Variants in EPB41L4B observed in about 807,000 individuals in gnomAD.
EPB41L4B encodes band 4.1-like protein 4B.
In EPB41L4B, 30 loss-of-function variants were observed where a neutral mutation model predicts 112.5. The observed-to-expected ratio is 0.27, with a 90% CI of 0.20 to 0.36. The LOEUF is 0.36. EPB41L4B is among the 10% of genes least tolerant of loss of function. EPB41L4B has a pLI of 1.00. For synonymous variants in EPB41L4B, 408 were observed against 439.7 expected (o/e 0.93, Z 0.90); for missense variants, 1,024 against 1,133.3 (o/e 0.90, Z 1.38).
intron 16 of EPB41L4B, among the ~76,000 whole-genome samples, chr9:109,214,769 G>A (rs999909295): frequency 7.9e-5 from 12 of 152,164 alleles, no homozygotes; most frequent in African/African-American, 2.2e-4. Flanking sequence ...GTCAGGATAC[G>A]CAAGGTCTGT....
At chr9:109,303,644 T>C (rs1168582902) in intron 1 of EPB41L4B, among the ~76,000 whole-genome samples, 1 of 151,910 alleles carries the variant, frequency 6.6e-6, no homozygotes, top group Non-Finnish European at 1.5e-5. Flanking sequence ...TGAGCCACCA[T>C]GCCTGGCTGG....
chr9:109,253,894 T>G (rs114855988), intron 11 of EPB41L4B, among the ~76,000 whole-genome samples: 1 of 152,216 alleles, frequency 6.6e-6, no homozygotes, highest in Non-Finnish European at 1.5e-5. Context: ...TGCATAGACA[T>G]TTAACCCATC....
intron 20 of EPB41L4B, 83 bp downstream of exon 20, chr9:109,200,153 T>A: frequency 8.4e-7 from 1 of 1,191,980 alleles, no homozygotes; most frequent in South Asian, 1.3e-5. Flanking sequence ...CTGGGACTAG[T>A]CAGAAGGGCT....
At chr9:109,293,379 CTTTTT>C (rs3061572) in intron 1 of EPB41L4B, among the ~76,000 whole-genome samples, 2 of 146,114 alleles carry the variant, frequency 1.4e-5, no homozygotes, top group Admixed American at 6.8e-5. Context: ...CATATGCATT[CTTTTT>C]TTTTTTTTTT....
Position 109,255,526 on chromosome 9 carries a change from G to A in EPB41L4B, c.1154C>T (p.Ser385Phe), listed in dbSNP as rs200085777. Residue 385 changes from serine (S) to phenylalanine (F), a missense_variant, in exon 11 of 26, where the codon TCT (serine) becomes TTT (phenylalanine). Transcript: ENST00000374566. Reference sequence around the variant, plus strand: ...GGCTCCCTACCTGAATCTGAAGCGAGAGCCCAGCCTGATAAAGTCGGATCT... The same window carrying A: ...GGCTCCCTACCTGAATCTGAAGCGAAAGCCCAGCCTGATAAAGTCGGATCT... ...SNRSDFIRLG[S>F]RFRFSGRTEY... 7.4e-6 allele frequency: 12 copies of A among 1,614,012 alleles called. No homozygotes were observed. Among genetic ancestry groups the A allele is most frequent in the Non-Finnish European group, 9.3e-6 (11 of 1,179,974 alleles).
chr9:109,226,360 A>G (rs1343977626), intron 15 of EPB41L4B, among the ~76,000 whole-genome samples: 1 of 151,968 alleles, frequency 6.6e-6, no homozygotes, highest in Non-Finnish European at 1.5e-5. Flanking sequence ...TCTTCCTGCT[A>G]CCTTAGCTCC....
At chr9:109,238,146 G>T (rs1834215995) in intron 15 of EPB41L4B, among the ~76,000 whole-genome samples, 2 of 152,156 alleles carry the variant, frequency 1.3e-5, no homozygotes, top group African/African-American at 4.8e-5. Context: ...CTCACAGAGT[G>T]GTCAGGAAAT....
rs547653528 is a variant in EPB41L4B, at chr9:109,189,996, C to T, written c.2301+2282G>A. Among the ~76,000 whole-genome samples, 67 of 152,234 alleles carry T rather than the reference C, an allele frequency of 4.4e-4. 1 individual carries two copies. The South Asian group carries it at 5.4e-3, about 12-fold the overall frequency. ...TGTTGCCCAGGCTGGAATGCAGTGG[C>T]GTGACCCTGGCTCACTGCAACCTCC... On this transcript the variant is annotated intron_variant, in intron 22 of 25. Transcript: ENST00000374566.
chr9:109,296,290 T>C (rs1169276907), intron 1 of EPB41L4B, among the ~76,000 whole-genome samples: 1 of 152,210 alleles, frequency 6.6e-6, no homozygotes, highest in Non-Finnish European at 1.5e-5. Flanking sequence ...GTAGTGACTG[T>C]TCCCCCATAA....
intron 1 of EPB41L4B, among the ~76,000 whole-genome samples, chr9:109,284,999 C>T (rs563165661): frequency 2.6e-4 from 39 of 152,308 alleles, no homozygotes; most frequent in Non-Finnish European, 5.1e-4. Flanking sequence ...TGCTCTAGTC[C>T]CAGATGCACC....
At chr9:109,294,464 T>C (rs1386773899) in intron 1 of EPB41L4B, among the ~76,000 whole-genome samples, 1 of 151,560 alleles carries the variant, frequency 6.6e-6, no homozygotes, top group Non-Finnish European at 1.5e-5. Context: ...AAAATAAGAA[T>C]TTAGCCAAGA....
chr9:109,274,891 C>T (rs1835754257), intron 2 of EPB41L4B, among the ~76,000 whole-genome samples: 1 of 152,200 alleles, frequency 6.6e-6, no homozygotes, highest in South Asian at 2.1e-4. Context: ...TAGTTCAGTG[C>T]TGGGCTCAGG....
At chr9:109,257,298 G>A (rs893944008) in intron 7 of EPB41L4B, among the ~76,000 whole-genome samples, 2 of 152,152 alleles carry the variant, frequency 1.3e-5, no homozygotes, top group African/African-American at 4.8e-5. Context: ...GGATGGGAGG[G>A]AGGAAAGGTT....
At position 109,203,711 on chromosome 9, in the gene EPB41L4B, G is replaced by A. The variant is rs1195108040; in HGVS notation, c.1898C>T (p.Pro633Leu). ...VNIQGGKEES[P>L]FVNINKKSSL... The stretch of plus-strand genomic sequence containing the variant: ...GGATTTCTTATTGATATTTACAAAC[G>A]GTGATTCCTCCTTTCCACCCTGTTA... The change falls in exon 19 of 26, where the codon CCG becomes CTG. Residue 633 changes from proline to leucine, a missense_variant. Physicochemically the swap from Pro to Leu is moderately conservative, Grantham distance 98 (BLOSUM62 -3). Coordinates refer to ENST00000374566, the MANE Select transcript of EPB41L4B (RefSeq NM_019114.5). 5.0e-6 allele frequency: 8 copies of A among 1,613,842 alleles called. No individual in the cohort carries two copies. The highest frequency in any genetic ancestry group is 1.7e-5 in the Admixed American group (1 of 60,010).
At chr9:109,236,368 T>C (rs896628975) in intron 15 of EPB41L4B, among the ~76,000 whole-genome samples, 5 of 152,006 alleles carry the variant, frequency 3.3e-5, no homozygotes, top group Admixed American at 2.6e-4. Context: ...CAGACAGATC[T>C]AGTTACTTAT....
intron 1 of EPB41L4B, among the ~76,000 whole-genome samples, chr9:109,308,418 G>C (rs570837046): frequency 1.3e-5 from 2 of 152,114 alleles, no homozygotes; most frequent in East Asian, 3.9e-4. Flanking sequence ...AACTGTAATA[G>C]GACAAACGGC....
chr9:109,175,301 C>T (rs1027586165), intron 25 of EPB41L4B, among the ~76,000 whole-genome samples: 7 of 151,840 alleles, frequency 4.6e-5, no homozygotes, highest in African/African-American at 1.7e-4. Flanking sequence ...GCATTTTCTC[C>T]CAGGCTTTCA....
At chr9:109,275,598 C>T (rs1485006383) in intron 2 of EPB41L4B, among the ~76,000 whole-genome samples, 2 of 152,142 alleles carry the variant, frequency 1.3e-5, no homozygotes, top group Non-Finnish European at 2.9e-5. Context: ...ACTTCCGGTC[C>T]CCCCTCACAC....
intron 1 of EPB41L4B, among the ~76,000 whole-genome samples, chr9:109,293,651 T>G (rs1836620026): frequency 6.8e-6 from 1 of 146,698 alleles, no homozygotes; most frequent in Non-Finnish European, 1.5e-5. Context: ...CCTAAAGTGC[T>G]GAGATTACAG....
Sources: allele counts gnomAD v4.1 joint callset (sites outside exome capture counted in the v4.1 genomes callset), GRCh38; gene constraint gnomAD v4.1.1; transcripts MANE v1.5; gene names NCBI Gene and HGNC (gene_info 2026-07-23, HGNC 2026-07-21).